GRID2: variants seen among roughly 807,000 people sequenced by gnomAD.
The protein encoded by GRID2 is glutamate ionotropic receptor delta type subunit 2, also known as glutamate receptor ionotropic, delta-2.
GRID2 carries 33 observed loss-of-function variants against 114.8 expected under a neutral mutation model. The observed-to-expected ratio is 0.29, with a 90% CI of 0.22 to 0.38. The LOEUF (loss-of-function observed/expected upper bound fraction) is 0.38, where lower values mean the gene tolerates loss of function less well. GRID2 is among the 10% of genes least tolerant of loss of function. The pLI, the probability that GRID2 is intolerant of heterozygous loss-of-function variation, is 1.00. For missense variants in GRID2, 1,184 were observed against 1,257.7 expected (o/e 0.94, Z 0.89); for synonymous variants, 505 against 449.9 (o/e 1.12, Z -1.55).
At chr4:93,761,092 A>C (rs1360768041) in intron 14 of GRID2, among the ~76,000 whole-genome samples, 1 of 152,214 alleles carries the variant, frequency 6.6e-6, no homozygotes, top group Non-Finnish European at 1.5e-5. Context: ...TATACAGTGC[A>C]TATGTGAAAT....
chr4:93,169,584 G>GC (rs1738598643), intron 4 of GRID2, among the ~76,000 whole-genome samples: 2 of 152,168 alleles, frequency 1.3e-5, no homozygotes, highest in African/African-American at 4.8e-5. Context: ...TAAAGGGCAA[G>GC]CCTCTTTAAA....
At chr4:93,372,573 T>A (rs1268997316) in intron 8 of GRID2, among the ~76,000 whole-genome samples, 1 of 152,132 alleles carries the variant, frequency 6.6e-6, no homozygotes, top group Non-Finnish European at 1.5e-5. Flanking sequence ...TTACGATCCC[T>A]GGGAGGACTC....
At chr4:93,196,818 T>C (rs1213002388) in intron 4 of GRID2, among the ~76,000 whole-genome samples, 5 of 152,116 alleles carry the variant, frequency 3.3e-5, no homozygotes, top group Admixed American at 2.0e-4. Flanking sequence ...GGAAGTTTCG[T>C]TGTGATGAAA....
intron 8 of GRID2, among the ~76,000 whole-genome samples, chr4:93,307,233 G>C (rs1270134001): frequency 6.6e-6 from 1 of 151,014 alleles, no homozygotes; most frequent in East Asian, 1.9e-4. Context: ...AAAAAAATAA[G>C]AGGAAAAGGA....
At chr4:92,350,566 T>C (rs1728013777) in intron 1 of GRID2, among the ~76,000 whole-genome samples, 1 of 151,860 alleles carries the variant, frequency 6.6e-6, no homozygotes, top group Non-Finnish European at 1.5e-5. Flanking sequence ...TTGAATCTGT[T>C]ACTTTTTATT....
At chr4:92,811,037 C>T (rs1315551474) in intron 2 of GRID2, among the ~76,000 whole-genome samples, 1 of 152,096 alleles carries the variant, frequency 6.6e-6, no homozygotes, top group Non-Finnish European at 1.5e-5. Context: ...CCTGCCTCGG[C>T]CTTCCAAAGT....
intron 14 of GRID2, among the ~76,000 whole-genome samples, chr4:93,698,656 TAATA>T (rs1727250006): frequency 6.6e-6 from 1 of 152,086 alleles, no homozygotes; most frequent in Non-Finnish European, 1.5e-5. Context: ...TGTTAAATTA[TAATA>T]AATATTGATT....
chr4:93,396,352 T>C (rs1765333262), intron 9 of GRID2, among the ~76,000 whole-genome samples: 1 of 151,970 alleles, frequency 6.6e-6, no homozygotes, highest in African/African-American at 2.4e-5. Flanking sequence ...CTGTGGGGGA[T>C]GCATTCCAAG....
rs1159036623 is a variant in GRID2 at position 92,600,079 on chromosome 4, T to A, written c.244+9793T>A. ...ATATATATATATATATATATATATA[T>A]ATATATATATTTCTCAGAATGTATT... is the stretch of plus-strand genomic sequence containing the variant. On this transcript the variant is annotated intron_variant, in intron 2 of 15. Coordinates refer to ENST00000282020, the MANE Select transcript of GRID2 (RefSeq NM_001510.4). Among the ~76,000 whole-genome samples the A allele has an allele frequency of 2.2e-5, 3 of 138,890 alleles. 1 individual carries two copies. Among genetic ancestry groups the A allele is most frequent in the Non-Finnish European group, 4.7e-5 (3 of 64,424 alleles). 91.1% of individuals were successfully genotyped at this position (138,890 alleles called of 152,430 possible). A position where few individuals can be genotyped will look rare whatever the true frequency, so the allele number is the denominator to read the frequency against.
chr4:92,354,871 C>A (rs1237289878), intron 1 of GRID2, among the ~76,000 whole-genome samples: 1 of 151,930 alleles, frequency 6.6e-6, no homozygotes, highest in Non-Finnish European at 1.5e-5. Context: ...TGAAACTTTT[C>A]TTCTGAACTT....
chr4:93,727,214 A>C (rs1288594847), intron 14 of GRID2, among the ~76,000 whole-genome samples: 1 of 152,122 alleles, frequency 6.6e-6, no homozygotes, highest in Admixed American at 6.5e-5. Context: ...GAATTTTGTC[A>C]AAGGCCTTTT....
At chr4:92,729,083 C>G (rs527643194) in intron 2 of GRID2, among the ~76,000 whole-genome samples, 101 of 152,146 alleles carry the variant, frequency 6.6e-4, no homozygotes, top group African/African-American at 2.1e-3. Flanking sequence ...CATGCTACCT[C>G]TGGCCTTGCT....
chr4:93,734,168 A>G lies in GRID2; in HGVS notation c.2361-35042A>G, dbSNP rs1171446114. ...GTTCTCCCTCAGAGGATAGCTGAGA[A>G]CAATAGTTGGCTTAATACATATGAA... On this transcript the variant is annotated intron_variant, in intron 14 of 15. Transcript: ENST00000282020. 2.0e-5 allele frequency among the ~76,000 whole-genome samples: 3 copies of G among 152,094 alleles called. No individual in the cohort carries two copies. In the East Asian group the frequency reaches 5.8e-4, roughly 29 times the overall value.
chr4:92,641,260 T>C (rs1731333669), intron 2 of GRID2, among the ~76,000 whole-genome samples: 1 of 150,726 alleles, frequency 6.6e-6, no homozygotes, highest in African/African-American at 2.4e-5. Flanking sequence ...TTTCATATTA[T>C]ATTAAAAGGA....
intron 4 of GRID2, among the ~76,000 whole-genome samples, chr4:93,112,834 T>G (rs2149353784): frequency 1.3e-5 from 2 of 152,254 alleles, no homozygotes; most frequent in Middle Eastern, 6.8e-3. Flanking sequence ...CCAATGTCTA[T>G]TCACATTTTC....
chr4:93,211,476 A>G (rs1743467028), intron 5 of GRID2, among the ~76,000 whole-genome samples: 1 of 152,126 alleles, frequency 6.6e-6, no homozygotes, highest in African/African-American at 2.4e-5. Context: ...TTTGCAAAAT[A>G]AAACATCCAT....
At chr4:93,373,309 G>T (rs1560552566) in intron 8 of GRID2, among the ~76,000 whole-genome samples, 1 of 148,602 alleles carries the variant, frequency 6.7e-6, no homozygotes, top group Admixed American at 6.7e-5. Flanking sequence ...TGTTCTCTAA[G>T]TTTTTTTTTT....
At chr4:92,694,089 A>G (rs1395501184) in intron 2 of GRID2, among the ~76,000 whole-genome samples, 1 of 152,190 alleles carries the variant, frequency 6.6e-6, no homozygotes, top group Non-Finnish European at 1.5e-5. Context: ...AGCAACATAC[A>G]AATGTGCTAT....
chr4:92,557,237 G>C (rs1458526202), intron 1 of GRID2, among the ~76,000 whole-genome samples: 1 of 151,758 alleles, frequency 6.6e-6, no homozygotes, highest in Non-Finnish European at 1.5e-5. Context: ...TCCTACACAA[G>C]TAACCAGATT....
Sources: gnomAD v4.1 joint callset for allele counts (sites outside exome capture counted in the v4.1 genomes callset) on GRCh38, gnomAD v4.1.1 for gene constraint, MANE v1.5 for transcripts, NCBI Gene and HGNC (gene_info 2026-07-23, HGNC 2026-07-21) for gene names.